HSD17B3: variants seen among roughly 807,000 people sequenced by gnomAD.
The protein encoded by HSD17B3 is 17-beta-hydroxysteroid dehydrogenase type 3.
In HSD17B3, 29 loss-of-function variants were observed where a neutral mutation model predicts 41.1. That is an observed-to-expected ratio of 0.71 (90% confidence interval 0.53 to 0.96). The LOEUF is 0.96. Among genes scored for constraint, HSD17B3 ranks in the 40% least tolerant of loss-of-function variants. The pLI is 0.00. For missense variants in HSD17B3, 323 were observed against 374.6 expected (o/e 0.86, Z 1.14); for synonymous variants, 126 against 145.6 (o/e 0.87, Z 0.97).
chr9:96,279,808 C>T (rs1030860707), intron 2 of HSD17B3, among the ~76,000 whole-genome samples: 2 of 151,654 alleles, frequency 1.3e-5, no homozygotes, highest in Admixed American at 6.6e-5. Flanking sequence ...CTCGCTCTGT[C>T]ACCCAGGCTG....
At chr9:96,279,443 A>G (rs543404495) in intron 2 of HSD17B3, among the ~76,000 whole-genome samples, 14 of 152,314 alleles carry the variant, frequency 9.2e-5, no homozygotes, top group African/African-American at 3.1e-4. Flanking sequence ...CCTGGAATCA[A>G]GAGAAGGGAG....
intron 2 of HSD17B3, among the ~76,000 whole-genome samples, chr9:96,283,047 C>T (rs1219411839): frequency 1.4e-5 from 2 of 138,138 alleles, no homozygotes; most frequent in African/African-American, 5.5e-5. Context: ...CTCTTTTTGC[C>T]CAGGCTAGAG....
intron 6 of HSD17B3, 151 bp from the exon 7 acceptor site, chr9:96,246,741 T>C: frequency 1.4e-6 from 1 of 732,726 alleles, no homozygotes; most frequent in Non-Finnish European, 2.4e-6. Context: ...TCATTGGAGG[T>C]CACTCTGGCC....
intron 2 of HSD17B3, among the ~76,000 whole-genome samples, chr9:96,287,309 G>A (rs1243465924): frequency 1.3e-5 from 2 of 152,202 alleles, no homozygotes; most frequent in Admixed American, 1.3e-4. Flanking sequence ...GGGCAGGCAG[G>A]TGAGACCGAA....
intron 2 of HSD17B3, among the ~76,000 whole-genome samples, chr9:96,281,376 G>A (rs1826685692): frequency 6.6e-6 from 1 of 152,138 alleles, no homozygotes; most frequent in African/African-American, 2.4e-5. Context: ...CCGGGTAAAG[G>A]ATGGGGCTGG....
At chr9:96,236,728 A>G (rs1275413678) in intron 10 of HSD17B3, among the ~76,000 whole-genome samples, 1 of 152,034 alleles carries the variant, frequency 6.6e-6, no homozygotes, top group Non-Finnish European at 1.5e-5. Flanking sequence ...CTTCAGTTCA[A>G]TGTATTTCAG....
rs199841624 is a variant in HSD17B3, at chr9:96,273,363, CA to C, written c.202-18421del. ...GGAGCACAAAAACTGAGGATGAACACATAGAAATGCATGGAAAGCAATTGTA... is the reference window on the plus strand; with the variant it reads ...GGAGCACAAAAACTGAGGATGAACACTAGAAATGCATGGAAAGCAATTGTA... On this transcript the variant is annotated intron_variant, in intron 2 of 10. Coordinates refer to ENST00000375263, the MANE Select transcript of HSD17B3 (RefSeq NM_000197.2). Among the ~76,000 whole-genome samples the C allele has an allele frequency of 5.4e-3, 815 of 152,286 alleles. 6 individuals carry two copies. Among genetic ancestry groups the C allele is most frequent in the South Asian group, 0.021 (99 of 4,826 alleles).
At chr9:96,287,990 A>G (rs1826992409) in intron 2 of HSD17B3, among the ~76,000 whole-genome samples, 1 of 152,228 alleles carries the variant, frequency 6.6e-6, no homozygotes, top group Non-Finnish European at 1.5e-5. Context: ...AGCTATTGAC[A>G]CATGCTACAA....
chr9:96,282,725 G>C (rs940325868), intron 2 of HSD17B3, among the ~76,000 whole-genome samples: 3 of 152,160 alleles, frequency 2.0e-5, no homozygotes, highest in Admixed American at 2.0e-4. Flanking sequence ...GTGTAATTAA[G>C]ACTACTGAAG....
intron 4 of HSD17B3, 131 bp from the exon 5 acceptor site, chr9:96,251,616 G>A (rs1825416490): frequency 2.4e-6 from 2 of 822,030 alleles, no homozygotes; most frequent in South Asian, 2.9e-5. Context: ...GAGGAAACTG[G>A]GGGGAAGTTT....
At chr9:96,250,774 G>C (rs1472873894) in intron 5 of HSD17B3, among the ~76,000 whole-genome samples, 4 of 151,532 alleles carry the variant, frequency 2.6e-5, no homozygotes, top group Non-Finnish European at 5.9e-5. Context: ...TGCAGTCCCA[G>C]CTACTCAGGA....
intron 2 of HSD17B3, among the ~76,000 whole-genome samples, chr9:96,285,567 T>C (rs1826886772): frequency 6.6e-6 from 1 of 152,224 alleles, no homozygotes. Context: ...ATAATTTTAC[T>C]TATTTTGCTT....
intron 2 of HSD17B3, among the ~76,000 whole-genome samples, chr9:96,294,052 G>A (rs1032172835): frequency 5.3e-5 from 8 of 152,158 alleles, no homozygotes; most frequent in Admixed American, 1.3e-4. Context: ...CAGGATCTCT[G>A]GAAGGGAGAA....
chr9:96,242,009 A>AAG (rs1170115101), intron 9 of HSD17B3, among the ~76,000 whole-genome samples: 3 of 135,770 alleles, frequency 2.2e-5, no homozygotes, highest in South Asian at 2.4e-4. Context: ...AAGAAAGAGA[A>AAG]AGAAAAGAAA....
At chr9:96,254,131 A>C (rs980552901) in intron 3 of HSD17B3, among the ~76,000 whole-genome samples, 14 of 152,244 alleles carry the variant, frequency 9.2e-5, no homozygotes, top group Non-Finnish European at 1.5e-5. Flanking sequence ...ACTATTAACA[A>C]AAGAACACTT....
At chr9:96,267,167 T>G (rs1478864576) in intron 2 of HSD17B3, among the ~76,000 whole-genome samples, 1 of 151,822 alleles carries the variant, frequency 6.6e-6, no homozygotes, top group Non-Finnish European at 1.5e-5. Flanking sequence ...ATTTTTTTTT[T>G]TTTTTTTGAG....
chr9:96,240,776 G>A lies in HSD17B3; in HGVS notation c.804C>T (p.Cys268=), dbSNP rs8190555. 1.4e-3 allele frequency: 2,281 copies of A among 1,614,154 alleles called. 35 individuals carry two copies. In the African/African-American group the frequency reaches 0.024, roughly 17 times the overall value. Residue 268 remains cysteine, a synonymous_variant, in exon 10 of 11, where the codon TGC becomes TGT. Transcript: ENST00000375263. ...YVTIGGETCG[C]LAHEILAGFL... is the part of the protein sequence containing the mutation. ...CAATTACCAAGATTTCATGGGCAAGGCAGCCACAGGTTTCACCTCCAATTG... is the reference window on the plus strand; with the variant it reads ...CAATTACCAAGATTTCATGGGCAAGACAGCCACAGGTTTCACCTCCAATTG...
intron 2 of HSD17B3, among the ~76,000 whole-genome samples, chr9:96,285,605 A>G (rs1264216185): frequency 6.6e-6 from 1 of 152,044 alleles, no homozygotes; most frequent in East Asian, 1.9e-4. Context: ...TTGCAGTTGT[A>G]CTCTTTGTGT....
chr9:96,279,296 A>G (rs1826593669), intron 2 of HSD17B3, among the ~76,000 whole-genome samples: 1 of 152,216 alleles, frequency 6.6e-6, no homozygotes, highest in African/African-American at 2.4e-5. Context: ...GATATCCATC[A>G]ATACATGTAA....
Sources: gnomAD v4.1 joint callset for allele counts (sites outside exome capture counted in the v4.1 genomes callset) on GRCh38, gnomAD v4.1.1 for gene constraint, MANE v1.5 for transcripts, NCBI Gene and HGNC (gene_info 2026-07-23, HGNC 2026-07-21) for gene names.